Variants in NMNAT2 observed in about 807,000 individuals in gnomAD.
NMNAT2 encodes the protein nicotinamide/nicotinic acid mononucleotide adenylyltransferase 2.
NMNAT2 carries 11 observed loss-of-function variants against 41.6 expected under a neutral mutation model. The observed-to-expected ratio is 0.26, with a 90% CI of 0.17 to 0.44. The LOEUF (loss-of-function observed/expected upper bound fraction) is 0.44. Among genes scored for constraint, NMNAT2 ranks in the 20% least tolerant of loss-of-function variants. NMNAT2 has a pLI of 1.00. For synonymous variants in NMNAT2, 148 were observed against 151.2 expected (o/e 0.98, Z 0.16); for missense variants, 288 against 407.7 (o/e 0.71, Z 2.53).
intron 8 of NMNAT2, among the ~76,000 whole-genome samples, chr1:183,266,449 T>C (rs1474134654): frequency 6.6e-6 from 1 of 152,210 alleles, no homozygotes; most frequent in Non-Finnish European, 1.5e-5. Flanking sequence ...GCCTAAATTC[T>C]CACCAGAGTT....
chr1:183,282,236 G>A (rs550391340), intron 7 of NMNAT2, among the ~76,000 whole-genome samples: 1 of 152,352 alleles, frequency 6.6e-6, no homozygotes, highest in East Asian at 1.9e-4. Context: ...GACAGGCAGA[G>A]CCTCAGGGAA....
chr1:183,410,157 CAA>C lies in NMNAT2; in HGVS notation c.85+8024_85+8025del, dbSNP rs57169849. ...AATCCTGTCTCTACAAAAATAATAC[CAA>C]AAAAAAAAAAAAAAATAGCCGGGCA... On this transcript the variant is annotated intron_variant, in intron 1 of 10. Coordinates refer to ENST00000287713, the MANE Select transcript of NMNAT2 (RefSeq NM_015039.4). Among the ~76,000 whole-genome samples, 793 of 128,632 alleles carry C rather than the reference CAA, an allele frequency of 6.2e-3. 3 individuals carry two copies. Among genetic ancestry groups the C allele is most frequent in the African/African-American group, 0.015 (504 of 33,982 alleles). 84.4% of individuals were successfully genotyped at this position (128,632 alleles called of 152,430 possible). A position where few individuals can be genotyped will look rare whatever the true frequency, so the allele number is the denominator to read the frequency against.
At chr1:183,389,760 GAAAGAAAGAAA>G (rs1648387686) in intron 1 of NMNAT2, among the ~76,000 whole-genome samples, 1 of 19,902 alleles carries the variant, frequency 5.0e-5, no homozygotes, top group Non-Finnish European at 1.0e-4. Flanking sequence ...AAGAAAGAAA[GAAAGAAAGAAA>G]GAAAGAAAGA....
At chr1:183,289,883 G>A (rs1445351102) in intron 4 of NMNAT2, among the ~76,000 whole-genome samples, 3 of 152,216 alleles carry the variant, frequency 2.0e-5, no homozygotes, top group African/African-American at 2.4e-5. Context: ...CACCCCAAAT[G>A]GGAGGTCAAG....
intron 1 of NMNAT2, among the ~76,000 whole-genome samples, chr1:183,309,081 G>A (rs567789429): frequency 3.3e-5 from 5 of 152,210 alleles, no homozygotes; most frequent in South Asian, 2.1e-4. Flanking sequence ...GCAGTGGTGC[G>A]ATCACAGCTC....
intron 1 of NMNAT2, among the ~76,000 whole-genome samples, chr1:183,417,490 G>T (rs1208261194): frequency 1.3e-5 from 2 of 152,062 alleles, no homozygotes; most frequent in African/African-American, 4.8e-5. Context: ...AGGGCCTCCC[G>T]CAGCCTCCGC....
intron 3 of NMNAT2, 142 bp from the exon 4 acceptor site, chr1:183,290,348 G>A (rs1315866004): frequency 4.9e-6 from 3 of 612,980 alleles, no homozygotes; most frequent in Non-Finnish European, 5.7e-6. Context: ...TAAAACCTGG[G>A]TGTGAAACAC....
chr1:183,250,250 T>A lies in NMNAT2; in HGVS notation c.*2391A>T, dbSNP rs890226302. On this transcript the variant is annotated 3_prime_UTR_variant, in exon 11 of 11. Transcript: ENST00000287713. ...CCAGCAATAGCATCATCCTGAGCAC[T>A]CTGTGGGTCTTCCTTCACCTTCCAC... 9 of 152,256 alleles carry A rather than the reference T, an allele frequency of 5.9e-5. No individual in the cohort carries two copies. Among genetic ancestry groups the A allele is most frequent in the African/African-American group, 1.9e-4 (8 of 41,446 alleles). 9.4% of individuals were successfully genotyped at this position (152,256 alleles called of 1,614,324 possible). A position where few individuals can be genotyped will look rare whatever the true frequency, so the allele number is the denominator to read the frequency against.
chr1:183,345,316 T>C (rs999274887), intron 1 of NMNAT2, among the ~76,000 whole-genome samples: 1 of 152,200 alleles, frequency 6.6e-6, no homozygotes, highest in African/African-American at 2.4e-5. Context: ...ATGTATATTT[T>C]ACCTCAGTAA....
chr1:183,256,672 T>C (rs531356697), intron 10 of NMNAT2, among the ~76,000 whole-genome samples: 2 of 152,336 alleles, frequency 1.3e-5, no homozygotes, highest in East Asian at 3.9e-4. Context: ...TGTATAAGCT[T>C]CATGTTGTGT....
At chr1:183,377,903 T>A (rs1231871568) in intron 1 of NMNAT2, among the ~76,000 whole-genome samples, 1 of 152,108 alleles carries the variant, frequency 6.6e-6, no homozygotes, top group African/African-American at 2.4e-5. Flanking sequence ...TTCAGGTAGT[T>A]GAAAACTATA....
chr1:183,311,579 G>A lies in NMNAT2; in HGVS notation c.86-17786C>T, dbSNP rs184323781. ...CAGGACCTGCCTACCACTTCTCAGG[G>A]GTCTGCTTTACAACCTGAATGATTA... On this transcript the variant is annotated intron_variant, in intron 1 of 10. Coordinates refer to ENST00000287713, the MANE Select transcript of NMNAT2 (RefSeq NM_015039.4). Among the ~76,000 whole-genome samples the A allele has an allele frequency of 1.5e-3, 231 of 152,058 alleles. 1 individual carries two copies. Among genetic ancestry groups the A allele is most frequent in the Middle Eastern group, 0.01 (3 of 294 alleles).
chr1:183,414,530 A>G (rs1041394879), intron 1 of NMNAT2, among the ~76,000 whole-genome samples: 11 of 152,250 alleles, frequency 7.2e-5, no homozygotes, highest in Non-Finnish European at 1.2e-4. Context: ...ATTCCACATT[A>G]TCTTCTTATG....
intron 1 of NMNAT2, among the ~76,000 whole-genome samples, chr1:183,360,496 T>A (rs1421872001): frequency 3.9e-5 from 6 of 152,080 alleles, no homozygotes; most frequent in African/African-American, 1.4e-4. Context: ...CCCCTACCCA[T>A]CCACGAGTCT....
At chr1:183,379,340 C>T (rs553361142) in intron 1 of NMNAT2, among the ~76,000 whole-genome samples, 1 of 151,976 alleles carries the variant, frequency 6.6e-6, no homozygotes. Context: ...GCCATCTTGC[C>T]CATCTAATTA....
rs776942114 is a variant in NMNAT2 at position 183,252,692 on chromosome 1, C to G, written c.873G>C (p.Pro291=). ...GGCTTTTGAGGATGTAGTCGATGAC[C>G]GGCTGGGACAGGTAATCCACAACAT... ...DGHVVDYLSQ[P]VIDYILKSQL... is the part of the protein sequence containing the mutation. Residue 291 remains proline, a synonymous_variant, in exon 11 of 11, where the codon CCG becomes CCC. Coordinates refer to ENST00000287713, the MANE Select transcript of NMNAT2 (RefSeq NM_015039.4). 2.5e-6 allele frequency: 4 copies of G among 1,614,076 alleles called. No homozygotes were observed. In the South Asian group the frequency reaches 3.3e-5, roughly 13 times the overall value.
chr1:183,310,918 G>C (rs919697764), intron 1 of NMNAT2, among the ~76,000 whole-genome samples: 2 of 151,860 alleles, frequency 1.3e-5, no homozygotes, highest in African/African-American at 4.8e-5. Context: ...ACAAGAGACT[G>C]TTATTGGAAA....
chr1:183,375,105 C>G (rs1256446431), intron 1 of NMNAT2, among the ~76,000 whole-genome samples: 1 of 152,172 alleles, frequency 6.6e-6, no homozygotes, highest in Non-Finnish European at 1.5e-5. Flanking sequence ...CCACAGCTTC[C>G]TAACTCATGC....
At chr1:183,303,383 C>T (rs1000402175) in intron 1 of NMNAT2, among the ~76,000 whole-genome samples, 20 of 152,194 alleles carry the variant, frequency 1.3e-4, no homozygotes, top group Non-Finnish European at 2.9e-5. Flanking sequence ...TGTATTTTCT[C>T]ATGTTAAATT....
Sources: gnomAD v4.1 joint callset for allele counts (sites outside exome capture counted in the v4.1 genomes callset) on GRCh38, gnomAD v4.1.1 for gene constraint, MANE v1.5 for transcripts, NCBI Gene and HGNC (gene_info 2026-07-23, HGNC 2026-07-21) for gene names.